Variants in OVCH1 observed in about 807,000 individuals in gnomAD.
OVCH1 encodes the protein ovochymase-1.
Under a neutral mutation model 138.4 loss-of-function variants are expected in OVCH1, and 139 were observed. The ratio of observed to expected loss-of-function variants is 1.00; its 90% CI spans 0.87 to 1.16. OVCH1 has a LOEUF of 1.16. Ranked by LOEUF, OVCH1 falls within the 50% of genes most tolerant of loss-of-function variation. The pLI, the probability that OVCH1 is intolerant of heterozygous loss-of-function variation, is 0.00. For missense variants in OVCH1, 1,367 were observed against 1,357.9 expected (o/e 1.01, Z -0.11); for synonymous variants, 453 against 467.8 (o/e 0.97, Z 0.41).
chr12:29,496,765 G>GCACAGACATT, intron 1 of OVCH1, 91 bp from the exon 2 acceptor site: 1 of 920,422 alleles, frequency 1.1e-6, no homozygotes, highest in East Asian at 2.5e-5. Context: ...TCCTGGCCTG[G>GCACAGACATT]CACAGACATT....
chr12:29,431,925 A>G (rs1941277138), intron 27 of OVCH1, among the ~76,000 whole-genome samples: 2 of 152,228 alleles, frequency 1.3e-5, no homozygotes, highest in Non-Finnish European at 2.9e-5. Flanking sequence ...TTGTTAACCC[A>G]TTCATCAGCT....
chr12:29,411,317 T>G (rs922778377), downstream of OVCH1, among the ~76,000 whole-genome samples: 1 of 150,910 alleles, frequency 6.6e-6, no homozygotes, highest in Admixed American at 6.7e-5. Flanking sequence ...AAAGTCATTC[T>G]CCATCCAGCT....
chr12:29,466,579 CT>C (rs1427644440), intron 16 of OVCH1, among the ~76,000 whole-genome samples: 2 of 152,088 alleles, frequency 1.3e-5, no homozygotes, highest in Non-Finnish European at 2.9e-5. Context: ...AATCAGAATG[CT>C]GATTACTTTT....
rs534285086 is a variant in OVCH1 at position 29,441,146 on chromosome 12, C to T, written c.3158-1712G>A. On this transcript the variant is annotated intron_variant, in intron 25 of 27. Transcript: ENST00000318184. ...ACCACCCAAAATCCTTGTGGGTTGA[C>T]AACCCGCATTGCCAAGTCAATCCTA... Among the ~76,000 whole-genome samples the T allele has an allele frequency of 7.1e-4, 108 of 152,152 alleles. 1 individual carries two copies. Among genetic ancestry groups the T allele is most frequent in the African/African-American group, 2.5e-3 (102 of 41,536 alleles).
chr12:29,425,712 A>G (rs759661967), downstream of OVCH1, among the ~76,000 whole-genome samples: 1 of 152,234 alleles, frequency 6.6e-6, no homozygotes, highest in Admixed American at 6.5e-5. Context: ...AAGAGTTTTC[A>G]TCTTCATGAG....
chr12:29,449,326 C>G (rs1252145514), intron 22 of OVCH1, among the ~76,000 whole-genome samples: 1 of 149,408 alleles, frequency 6.7e-6, no homozygotes, highest in Non-Finnish European at 1.5e-5. Context: ...CACACTCAAC[C>G]TTAAGTATAT....
chr12:29,450,392 G>A (rs1941750677), intron 22 of OVCH1, among the ~76,000 whole-genome samples: 1 of 152,162 alleles, frequency 6.6e-6, no homozygotes, highest in Admixed American at 6.5e-5. Flanking sequence ...AGACATTTAT[G>A]TGGCCAACAA....
intron 8 of OVCH1, among the ~76,000 whole-genome samples, chr12:29,485,550 G>A (rs541279302): frequency 1.7e-4 from 26 of 151,938 alleles, no homozygotes; most frequent in Non-Finnish European, 3.2e-4. Flanking sequence ...CGAGGCGGGC[G>A]GATTACGAGG....
chr12:29,418,135 A>T (rs1452412032), intron 3 of OVCH1, among the ~76,000 whole-genome samples: 1 of 152,202 alleles, frequency 6.6e-6, no homozygotes, highest in African/African-American at 2.4e-5. Flanking sequence ...GGGTACTGTT[A>T]TTCCTTTCTA....
At chr12:29,491,731 A>C (rs1943278273) in intron 4 of OVCH1, among the ~76,000 whole-genome samples, 1 of 152,226 alleles carries the variant, frequency 6.6e-6, no homozygotes, top group African/African-American at 2.4e-5. Flanking sequence ...ACTATGATGC[A>C]AAAAATAATT....
chr12:29,495,428 G>A (rs1943387972), exon 4 of OVCH1: 1 of 1,613,084 alleles, frequency 6.2e-7, no homozygotes, highest in Admixed American at 1.7e-5. Context: ...GTACTCCCCA[G>A]AAGTCACAGT....
chr12:29,415,661 T>C (rs1941022565), intron 3 of OVCH1, among the ~76,000 whole-genome samples: 1 of 152,112 alleles, frequency 6.6e-6, no homozygotes, highest in Non-Finnish European at 1.5e-5. Flanking sequence ...TCAAAGAAGA[T>C]CTAAATAAGT....
At chr12:29,455,228 T>A in intron 20 of OVCH1, 21 bp downstream of exon 20, 1 of 1,608,500 alleles carries the variant, frequency 6.2e-7, no homozygotes, top group Non-Finnish European at 8.5e-7. Flanking sequence ...ATTGTTTTAA[T>A]AACATTTGAA....
intron 21 of OVCH1, among the ~76,000 whole-genome samples, chr12:29,453,441 A>G (rs1941854658): frequency 6.6e-6 from 1 of 152,030 alleles, no homozygotes; most frequent in African/African-American, 2.4e-5. Flanking sequence ...GTGATCTTGT[A>G]TTCCACCTGA....
Position 29,475,131 on chromosome 12 carries a change from C to CA in OVCH1, c.1529dup (p.Ile511AspfsTer4). 1 of 1,565,028 alleles carries CA rather than the reference C, an allele frequency of 6.4e-7. No individual in the cohort carries two copies. On this transcript the variant is annotated frameshift_variant, in exon 14 of 28. Coordinates refer to ENST00000318184, the Ensembl canonical transcript of OVCH1. LOFTEE classifies it high-confidence loss of function. ...TTTTACCATCACTTTTAAAGTATAT[C>CA]ACCGTCATGTTACTAGAACTGAATA...
chr12:29,402,443 A>G, the OVCH1 span, among the ~76,000 whole-genome samples: 1 of 152,146 alleles, frequency 6.6e-6, no homozygotes, highest in Non-Finnish European at 1.5e-5. Context: ...AAAGGAAAGG[A>G]AAGGTTGAGA....
downstream of OVCH1, among the ~76,000 whole-genome samples, chr12:29,424,723 A>G (rs759711161): frequency 3.9e-5 from 6 of 152,360 alleles, no homozygotes; most frequent in Admixed American, 6.5e-5. Flanking sequence ...TAATAACTCC[A>G]TAATAACCTG....
At chr12:29,455,208 G>T (rs1565582211) in intron 20 of OVCH1, 41 bp downstream of exon 20, 1 of 1,594,350 alleles carries the variant, frequency 6.3e-7, no homozygotes, top group Non-Finnish European at 8.6e-7. Flanking sequence ...CCACTCTAAA[G>T]AAAGAGGTTA....
chr12:29,454,981 C>CA (rs1565582033), intron 20 of OVCH1, 48 bp from the exon 21 acceptor site: 1 of 1,477,982 alleles, frequency 6.8e-7, no homozygotes, highest in Non-Finnish European at 9.3e-7. Context: ...AGCCTGAGAA[C>CA]AAAATATAGT....
Sources: gnomAD v4.1 joint callset for allele counts (sites outside exome capture counted in the v4.1 genomes callset) on GRCh38, gnomAD v4.1.1 for gene constraint, MANE v1.5 for transcripts, NCBI Gene and HGNC (gene_info 2026-07-23, HGNC 2026-07-21) for gene names.